PCDH9: variants seen among roughly 807,000 people sequenced by gnomAD.
PCDH9 encodes protocadherin-9.
In PCDH9, 24 loss-of-function variants were observed where a neutral mutation model predicts 70.6. That is an observed-to-expected ratio of 0.34 (90% CI 0.25 to 0.48). PCDH9 has a LOEUF of 0.48. Ranked by LOEUF, PCDH9 falls within the 20% of genes least tolerant of loss-of-function variation. The probability of loss-of-function intolerance (pLI) is 0.99; values close to 1 mark genes in which losing one functional copy is unlikely to be tolerated. For missense variants in PCDH9, 1,281 were observed against 1,503.6 expected (o/e 0.85, Z 2.45); for synonymous variants, 562 against 558.5 (o/e 1.01, Z -0.09).
chr13:66,975,087 G>T (rs902686945), intron 2 of PCDH9, among the ~76,000 whole-genome samples: 1 of 151,914 alleles, frequency 6.6e-6, no homozygotes, highest in Admixed American at 6.6e-5. Context: ...CCATTAAAAA[G>T]TCCTTATCTT....
At chr13:67,023,000 G>A (rs1044059976) in intron 2 of PCDH9, among the ~76,000 whole-genome samples, 5 of 152,154 alleles carry the variant, frequency 3.3e-5, no homozygotes, top group Admixed American at 3.3e-4. Context: ...TCTGAAAATA[G>A]CAATTTATTC....
chr13:66,862,258 A>G (rs2081496687), intron 3 of PCDH9, among the ~76,000 whole-genome samples: 5 of 152,166 alleles, frequency 3.3e-5, no homozygotes, highest in Admixed American at 3.3e-4. Context: ...TGAGTGTTCT[A>G]TTAGCTCAAA....
chr13:66,367,290 A>G (rs926141325), intron 4 of PCDH9, among the ~76,000 whole-genome samples: 2 of 152,182 alleles, frequency 1.3e-5, no homozygotes, highest in Non-Finnish European at 2.9e-5. Context: ...TTTAAAAATT[A>G]CAAGCAAATA....
chr13:67,071,940 A>G (rs1425507361), intron 2 of PCDH9, among the ~76,000 whole-genome samples: 2 of 150,930 alleles, frequency 1.3e-5, no homozygotes, highest in African/African-American at 4.9e-5. Flanking sequence ...TGGTTCAATA[A>G]TCTGTTACCT....
chr13:67,195,232 G>A (rs2089028992), intron 2 of PCDH9, among the ~76,000 whole-genome samples: 1 of 151,028 alleles, frequency 6.6e-6, no homozygotes, highest in African/African-American at 2.4e-5. Context: ...TGCAAGCTCC[G>A]CCTCCCAGGT....
At position 67,225,909 on chromosome 13, in the gene PCDH9, G is replaced by A. The variant is rs2089852365; in HGVS notation, c.2532C>T (p.Phe844=). 1 of 1,613,974 alleles carries A rather than the reference G, an allele frequency of 6.2e-7. No homozygotes were observed. The highest frequency in any genetic ancestry group is 1.7e-5 in the Admixed American group (1 of 59,996). ...VLVRCRHASR[F]KAAQRSKQGA... is the part of the protein sequence containing the mutation. The stretch of plus-strand genomic sequence containing the variant: ...CTTGCTTGCTCCTCTGAGCTGCTTT[G>A]AACCTTGATGCATGGCGACAGCGCA... The change falls in exon 2 of 5, where the codon TTC becomes TTT. Residue 844 remains phenylalanine (F), a synonymous_variant. Transcript: ENST00000377865.
At chr13:66,841,590 T>G (rs1262071623) in intron 3 of PCDH9, among the ~76,000 whole-genome samples, 1 of 152,202 alleles carries the variant, frequency 6.6e-6, no homozygotes, top group Non-Finnish European at 1.5e-5. Context: ...AATTTTAAAA[T>G]GATGCCATAT....
chr13:66,552,328 T>C (rs1163555593), intron 4 of PCDH9, among the ~76,000 whole-genome samples: 1 of 152,160 alleles, frequency 6.6e-6, no homozygotes, highest in Admixed American at 6.6e-5. Flanking sequence ...TCAGCGTTCC[T>C]TTGGGCTATT....
chr13:66,640,786 G>A (rs1362823766), intron 3 of PCDH9, among the ~76,000 whole-genome samples: 7 of 152,068 alleles, frequency 4.6e-5, no homozygotes, highest in South Asian at 4.1e-4. Context: ...TGCTCATGAC[G>A]GATTGTTAAT....
chr13:66,875,545 A>G (rs1425510766), intron 3 of PCDH9, among the ~76,000 whole-genome samples: 2 of 152,124 alleles, frequency 1.3e-5, no homozygotes, highest in African/African-American at 4.8e-5. Flanking sequence ...TCTTTTCTAC[A>G]CGAGAGAGTT....
chr13:66,471,522 G>C (rs1205361176), intron 4 of PCDH9, among the ~76,000 whole-genome samples: 1 of 152,092 alleles, frequency 6.6e-6, no homozygotes, highest in Non-Finnish European at 1.5e-5. Flanking sequence ...CCAAAACACT[G>C]ACATATTTTT....
At chr13:66,465,049 G>C (rs1958493339) in intron 4 of PCDH9, among the ~76,000 whole-genome samples, 4 of 151,828 alleles carry the variant, frequency 2.6e-5, no homozygotes, top group Admixed American at 1.3e-4. Flanking sequence ...AGCCTTTCTT[G>C]AACATCTGGT....
chr13:66,773,060 A>G (rs1441757025), intron 3 of PCDH9, among the ~76,000 whole-genome samples: 4 of 152,224 alleles, frequency 2.6e-5, no homozygotes, highest in Non-Finnish European at 5.9e-5. Flanking sequence ...TTTACTTTTT[A>G]TAATAATATG....
intron 4 of PCDH9, among the ~76,000 whole-genome samples, chr13:66,414,438 A>G (rs1488645107): frequency 6.6e-6 from 1 of 152,220 alleles, no homozygotes; most frequent in Non-Finnish European, 1.5e-5. Flanking sequence ...GATAGGAAAG[A>G]GTATGCTCTG....
intron 3 of PCDH9, among the ~76,000 whole-genome samples, chr13:66,776,780 T>C (rs1228346543): frequency 1.5e-3 from 217 of 148,932 alleles, no homozygotes; most frequent in South Asian, 2.4e-3. Context: ...AAAAAACTAC[T>C]TTAAAGTTCA....
chr13:66,694,897 C>T (rs7992981), intron 3 of PCDH9, among the ~76,000 whole-genome samples: 148,018 of 151,544 alleles, frequency 0.98, 72,393 homozygotes, highest in East Asian at 1. Context: ...ATAGTCATCA[C>T]TTACATACTT....
intron 4 of PCDH9, among the ~76,000 whole-genome samples, chr13:66,564,945 T>A (rs1406524842): frequency 6.6e-6 from 1 of 152,066 alleles, no homozygotes; most frequent in Non-Finnish European, 1.5e-5. Flanking sequence ...TGCACATGGA[T>A]GTAACCTCGT....
At chr13:66,628,206 C>T (rs1465644033) in intron 4 of PCDH9, among the ~76,000 whole-genome samples, 1 of 152,132 alleles carries the variant, frequency 6.6e-6, no homozygotes, top group Non-Finnish European at 1.5e-5. Context: ...CAACAACCTG[C>T]TACTTTTATC....
At chr13:66,587,855 C>A (rs944966195) in intron 4 of PCDH9, among the ~76,000 whole-genome samples, 1 of 149,850 alleles carries the variant, frequency 6.7e-6, no homozygotes, top group Non-Finnish European at 1.5e-5. Context: ...ACTTTCAAAC[C>A]AAATAAAATA....
Sources: gnomAD v4.1 joint callset for allele counts (sites outside exome capture counted in the v4.1 genomes callset) on GRCh38, gnomAD v4.1.1 for gene constraint, MANE v1.5 for transcripts, NCBI Gene and HGNC (gene_info 2026-07-23, HGNC 2026-07-21) for gene names.